Variants in FRAS1 observed in about 807,000 individuals in gnomAD.
FRAS1 encodes Fraser extracellular matrix complex subunit 1, also known as extracellular matrix organizing protein FRAS1.
A neutral mutation model predicts 435.2 loss-of-function variants in FRAS1; 290 were observed. The ratio of observed to expected loss-of-function variants is 0.67; its 90% confidence interval spans 0.61 to 0.73. FRAS1 has a LOEUF of 0.73. Among genes scored for constraint, FRAS1 ranks in the 30% least tolerant of loss-of-function variants. The pLI is 0.00. For synonymous variants in FRAS1, 1,800 were observed against 1,851.0 expected, an observed-to-expected ratio of 0.97 and a Z score of 0.71; for missense variants, 4,860 against 5,001.5, an observed-to-expected ratio of 0.97 and a Z score of 0.85.
At chr4:78,288,190 A>G (rs60047831) in intron 14 of FRAS1, among the ~76,000 whole-genome samples, 2,084 of 152,338 alleles carry the variant, frequency 0.014, 52 homozygotes, top group African/African-American at 0.047. Context: ...GAACATACAA[A>G]TACCTTTATA....
chr4:78,252,284 T>G, intron 4 of FRAS1, 108 bp from the exon 5 acceptor site: 31 of 1,113,854 alleles, frequency 2.8e-5, no homozygotes, highest in Non-Finnish European at 3.9e-5. Context: ...CACCTTTCCC[T>G]GAGCTCCATC....
intron 2 of FRAS1, among the ~76,000 whole-genome samples, chr4:78,187,652 G>A (rs1256045287): frequency 1.3e-5 from 2 of 151,802 alleles, no homozygotes; most frequent in African/African-American, 4.8e-5. Context: ...TGCCCAGGCT[G>A]GAGTGCAGTG....
chr4:78,424,607 C>T (rs1199099936), intron 35 of FRAS1, among the ~76,000 whole-genome samples, 187 bp downstream of exon 35: 1 of 152,202 alleles, frequency 6.6e-6, no homozygotes, highest in Admixed American at 6.5e-5. Context: ...AATAGCTTAA[C>T]TTTATAGTCA....
At chr4:78,493,379 C>T (rs776467009) in intron 59 of FRAS1, among the ~76,000 whole-genome samples, 6 of 152,124 alleles carry the variant, frequency 3.9e-5, no homozygotes, top group African/African-American at 7.2e-5. Flanking sequence ...GCACTATTCA[C>T]AATAGCAAAG....
intron 14 of FRAS1, among the ~76,000 whole-genome samples, chr4:78,306,266 C>T (rs1168170684): frequency 6.6e-6 from 1 of 151,110 alleles, no homozygotes; most frequent in Non-Finnish European, 1.5e-5. Context: ...TTGAGGGTAA[C>T]CCGACCTTTC....
Position 78,317,359 on chromosome 4 carries a change from C to T in FRAS1, c.1820-9C>T, listed in dbSNP as rs1426356542. Reference sequence around the variant, plus strand: ...CCCATGGCGTTCTCCCTCTCACTCTCTTCCTCAGTTTGTCATAACTCATGT... The same window carrying T: ...CCCATGGCGTTCTCCCTCTCACTCTTTTCCTCAGTTTGTCATAACTCATGT... On this transcript the variant is annotated splice_polypyrimidine_tract_variant and intron_variant, in intron 16 of 73. Transcript: ENST00000512123. The T allele has an allele frequency of 3.1e-6, 5 of 1,613,638 alleles. No individual in the cohort carries two copies. The highest frequency in any genetic ancestry group is 3.3e-5 in the Admixed American group (2 of 60,006).
At chr4:78,531,835 C>G (rs1226376093) in intron 70 of FRAS1, among the ~76,000 whole-genome samples, 1 of 152,228 alleles carries the variant, frequency 6.6e-6, no homozygotes, top group Non-Finnish European at 1.5e-5. Flanking sequence ...GTCAATCTCT[C>G]TGTTCTAGGT....
At chr4:78,098,333 T>C (rs1255121199) in intron 2 of FRAS1, among the ~76,000 whole-genome samples, 1 of 150,256 alleles carries the variant, frequency 6.7e-6, no homozygotes, top group African/African-American at 2.5e-5. Context: ...TGGAGTGCAG[T>C]AGCATGATCT....
At chr4:78,437,347 G>T (rs766024894) in intron 38 of FRAS1, among the ~76,000 whole-genome samples, 5 of 152,164 alleles carry the variant, frequency 3.3e-5, no homozygotes, top group African/African-American at 4.8e-5. Context: ...CAGAGAGAAC[G>T]CACAGTAATA....
chr4:78,165,772 GACA>G (rs1040526470), intron 2 of FRAS1, among the ~76,000 whole-genome samples: 2 of 152,122 alleles, frequency 1.3e-5, no homozygotes, highest in Non-Finnish European at 2.9e-5. Context: ...CTGTTGACTG[GACA>G]ACAAGATGAG....
chr4:78,479,659 C>CGAGA lies in FRAS1; in HGVS notation c.8384_8385insGAGA (p.Asn2796ArgfsTer18). 1 of 1,612,570 alleles carries CGAGA rather than the reference C, an allele frequency of 6.2e-7. No homozygotes were observed. Among genetic ancestry groups the CGAGA allele is most frequent in the African/African-American group, 1.3e-5 (1 of 75,032 alleles). ...ACAGCCAAGGTGCTCATTAGTGGTC[C>CGAGA]CAACGATGCCTCGACTGTGTCCCTG... is the stretch of plus-strand genomic sequence containing the variant. On this transcript the variant is annotated frameshift_variant, in exon 56 of 74. Coordinates refer to ENST00000512123, the MANE Select transcript of FRAS1 (RefSeq NM_025074.7). LOFTEE classifies it high-confidence loss of function.
chr4:78,063,252 A>C (rs1739839980), intron 1 of FRAS1, among the ~76,000 whole-genome samples: 1 of 152,166 alleles, frequency 6.6e-6, no homozygotes. Context: ...CAAACCCCTC[A>C]ACTTCATCTG....
intron 18 of FRAS1, among the ~76,000 whole-genome samples, chr4:78,332,006 G>A (rs1729968110): frequency 6.6e-6 from 1 of 152,164 alleles, no homozygotes; most frequent in Admixed American, 6.5e-5. Flanking sequence ...GGGGAACATG[G>A]GCAAGAGACT....
At chr4:78,533,295 G>T (rs150829204) in intron 70 of FRAS1, among the ~76,000 whole-genome samples, 2 of 152,336 alleles carry the variant, frequency 1.3e-5, no homozygotes, top group African/African-American at 4.8e-5. Context: ...TTACTAGAAT[G>T]ATGTCTACTG....
chr4:78,267,296 C>A lies in FRAS1; in HGVS notation c.845C>A (p.Ala282Asp), dbSNP rs1726409910. The change falls in exon 9 of 74, where the codon GCC becomes GAC. Residue 282 changes from alanine (A) to aspartate (D), a missense_variant. Physicochemically the swap from Ala to Asp is moderately radical, Grantham distance 126. Transcript: ENST00000512123. ...TGCTGTGAGGAATGTGTGTCTCCTG[C>A]CGGGAGCTGCTCCTATGATGGAGTT... ...GQCCEECVSP[A>D]GSCSYDGVVR... 1 of 1,613,690 alleles carries A rather than the reference C, an allele frequency of 6.2e-7. No individual in the cohort carries two copies. Among genetic ancestry groups the A allele is most frequent in the African/African-American group, 1.3e-5 (1 of 74,890 alleles).
At position 78,181,033 on chromosome 4, in the gene FRAS1, G is replaced by C. The variant is rs878870423; in HGVS notation, c.109-56477G>C. On this transcript the variant is annotated intron_variant, in intron 2 of 73. Coordinates refer to ENST00000512123, the MANE Select transcript of FRAS1 (RefSeq NM_025074.7). ...AGGTCTCCAAAATTGATCTCCAGCT[G>C]AGACGTTATATCATTTGCTGGCTTC... The C allele has an allele frequency of 2.5e-6, 4 of 1,585,880 alleles. No individual in the cohort carries two copies. The South Asian group carries it at 4.4e-5, about 18-fold the overall frequency.
At chr4:78,413,327 C>A (rs1396951513) in intron 32 of FRAS1, among the ~76,000 whole-genome samples, 1 of 152,176 alleles carries the variant, frequency 6.6e-6, no homozygotes, top group Non-Finnish European at 1.5e-5. Context: ...GATGTCCTTT[C>A]TACAGTATTC....
chr4:78,445,484 T>C (rs1718775705), intron 41 of FRAS1, 38 bp from the exon 42 acceptor site: 1 of 1,490,842 alleles, frequency 6.7e-7, no homozygotes, highest in Admixed American at 2.2e-5. Context: ...CAGGAATTGA[T>C]AGATCAAGGT....
chr4:78,330,074 A>T (rs1476504614), intron 18 of FRAS1, among the ~76,000 whole-genome samples: 2 of 152,152 alleles, frequency 1.3e-5, no homozygotes, highest in Admixed American at 1.3e-4. Flanking sequence ...GAAGTCAGGG[A>T]CCCCAAACAG....
Sources: allele counts gnomAD v4.1 joint callset (sites outside exome capture counted in the v4.1 genomes callset), GRCh38; gene constraint gnomAD v4.1.1; transcripts MANE v1.5; gene names NCBI Gene and HGNC (gene_info 2026-07-23, HGNC 2026-07-21).